The following STK25 variants were observed in gnomAD, a reference collection of about 807,000 sequenced individuals.
STK25 encodes the protein serine/threonine kinase 25.
Under a neutral mutation model 53.8 loss-of-function variants are expected in STK25, and 29 were observed. That is an observed-to-expected ratio of 0.54 (90% confidence interval 0.40 to 0.74). The LOEUF (loss-of-function observed/expected upper bound fraction) is 0.74, where lower values mean the gene tolerates loss of function less well. Among genes scored for constraint, STK25 ranks in the 30% least tolerant of loss-of-function variants. The pLI is 0.00. For synonymous variants in STK25, 247 were observed against 238.3 expected (o/e 1.04, Z -0.33); for missense variants, 420 against 568.0 (o/e 0.74, Z 2.65).
chr2:241,504,048 G>A (rs956782446), intron 2 of STK25: 5 of 471,108 alleles, frequency 1.1e-5, no homozygotes, highest in African/African-American at 1.0e-4. Flanking sequence ...CTTGAAACAT[G>A]CCGCTGCACA....
rs2065460985 is a variant in STK25 at position 241,500,799 on chromosome 2, G to A, written c.262-3C>T. The A allele has an allele frequency of 6.2e-7, 1 of 1,613,598 alleles. No homozygotes were observed. The highest frequency in any genetic ancestry group is 8.5e-7 in the Non-Finnish European group (1 of 1,179,768). On this transcript the variant is annotated splice_region_variant and splice_polypyrimidine_tract_variant and intron_variant, in intron 3 of 11. Coordinates refer to ENST00000316586, the MANE Select transcript of STK25 (RefSeq NM_001271977.2). ...ATGATGATCCATAGCTTGGTGCTCTGGGACCGGAGACAAACCCATCAGCAT... is the reference window on the plus strand; with the variant it reads ...ATGATGATCCATAGCTTGGTGCTCTAGGACCGGAGACAAACCCATCAGCAT...
At chr2:241,507,951 C>T (rs2125016214) in intron 2 of STK25, 55 bp downstream of exon 2, 1 of 1,514,446 alleles carries the variant, frequency 6.6e-7, no homozygotes, top group Non-Finnish European at 9.0e-7. Context: ...CCCCAGGAGA[C>T]TCTGGAGCCC....
At chr2:241,499,992 T>C (rs1294567128) in intron 5 of STK25, 181 bp downstream of exon 5, 1 of 695,070 alleles carries the variant, frequency 1.4e-6, no homozygotes, top group Non-Finnish European at 2.6e-6. Flanking sequence ...AAGGAAACCG[T>C]TACAAGTAGT....
Position 241,493,179 on chromosome 2 carries a change from G to C in STK25, c.*2483C>G, listed in dbSNP as rs2064993121. On this transcript the variant is annotated 3_prime_UTR_variant, in exon 12 of 12. Transcript: ENST00000316586. ...CTGTGCTGTGTGAACAGGGAAACTGGCTCCCTTGGCCCGTGGGCATTTGTA... is the reference window on the plus strand; with the variant it reads ...CTGTGCTGTGTGAACAGGGAAACTGCCTCCCTTGGCCCGTGGGCATTTGTA... The C allele has an allele frequency of 7.7e-7, 1 of 1,301,938 alleles. No individual in the cohort carries two copies. The allele number at this position is 1,301,938 out of a possible 1,614,324, so 80.6% of individuals were successfully genotyped here. A position where few individuals can be genotyped will look rare whatever the true frequency, so the allele number is the denominator to read the frequency against.
Position 241,494,065 on chromosome 2 carries a change from G to C in STK25, c.*1597C>G. 1 of 1,440,160 alleles carries C rather than the reference G, an allele frequency of 6.9e-7. No homozygotes were observed. Among genetic ancestry groups the C allele is most frequent in the Non-Finnish European group, 9.1e-7 (1 of 1,098,970 alleles). 89.2% of individuals were successfully genotyped at this position (1,440,160 alleles called of 1,614,324 possible). On this transcript the variant is annotated 3_prime_UTR_variant, in exon 12 of 12. Coordinates refer to ENST00000316586, the MANE Select transcript of STK25 (RefSeq NM_001271977.2). The surrounding 1 kb of genome is among the most constrained non-coding windows in gnomAD (Gnocchi z 4.9). ...CAGCCGGGAGGGCCCCAAGCATCGT[G>C]CAGGATGGCCCCCAACCCTCCTCAG...
chr2:241,496,589 C>T lies in STK25; in HGVS notation c.1105-55G>A, dbSNP rs778830728. ...GACCCCAGGACAGGCCTTCAGGGAG[C>T]CTGCTCCTTTGCTCGGCCACAGTGA... On this transcript the variant is annotated intron_variant, in intron 10 of 11. Transcript: ENST00000316586. This position sits in a 1 kb window ranked among gnomAD's most constrained non-coding sequence, Gnocchi z 5.8. 1.3e-6 allele frequency: 2 copies of T among 1,578,868 alleles called. No individual in the cohort carries two copies. The highest frequency in any genetic ancestry group is 1.1e-5 in the South Asian group (1 of 88,920).
In STK25 at chr2:241,498,635, C is replaced by A; in HGVS notation, c.917+4G>T. On this transcript the variant is annotated splice_donor_region_variant and intron_variant, in intron 8 of 11. Transcript: ENST00000316586. ...GTCACCATGAGGATAAACCAGGTCC[C>A]TACATGTCAGAGTCCTCAGAGCTGG... 1 of 1,612,242 alleles carries A rather than the reference C, an allele frequency of 6.2e-7. No individual in the cohort carries two copies. The highest frequency in any genetic ancestry group is 8.5e-7 in the Non-Finnish European group (1 of 1,179,006).
At position 241,493,385 on chromosome 2, in the gene STK25, G is replaced by T; in HGVS notation, c.*2277C>A. 1 of 1,613,986 alleles carries T rather than the reference G, an allele frequency of 6.2e-7. No homozygotes were observed. Among genetic ancestry groups the T allele is most frequent in the East Asian group, 2.2e-5 (1 of 44,888 alleles). ...GCATACACAAAGACTATGTTTTCAA[G>T]CTCCAGTTCAAATCCCACGTCTACT... On this transcript the variant is annotated 3_prime_UTR_variant, in exon 12 of 12. Transcript: ENST00000316586.
At chr2:241,497,454 A>C (rs758715917) in intron 10 of STK25, 162 bp downstream of exon 10, 33 of 693,220 alleles carry the variant, frequency 4.8e-5, no homozygotes, top group Non-Finnish European at 8.1e-5. Flanking sequence ...TCATTGCAGC[A>C]GATTCTGCTC....
chr2:241,508,448 C>A lies in STK25; in HGVS notation c.-106G>T. ...CCGCCCGGCAGCGCGCCCACCTCCG[C>A]GGGGCTCCATCCCGGCCTCCCCCGG... On this transcript the variant is annotated 5_prime_UTR_variant, in exon 1 of 12. Transcript: ENST00000316586. 4.6e-6 allele frequency: 5 copies of A among 1,086,892 alleles called. No homozygotes were observed. The highest frequency in any genetic ancestry group is 5.6e-6 in the Non-Finnish European group (5 of 889,480). 67.3% of individuals were successfully genotyped at this position (1,086,892 alleles called of 1,614,324 possible). A position where few individuals can be genotyped will look rare whatever the true frequency, so the allele number is the denominator to read the frequency against.
At chr2:241,506,263 G>A (rs2065821715) in intron 2 of STK25, among the ~76,000 whole-genome samples, 1 of 152,194 alleles carries the variant, frequency 6.6e-6, no homozygotes, top group Admixed American at 6.5e-5. Flanking sequence ...GCCACTATAT[G>A]AAGTCAAGTC....
intron 4 of STK25, 49 bp downstream of exon 4, chr2:241,500,691 G>A (rs1392783850): frequency 6.3e-7 from 1 of 1,590,838 alleles, no homozygotes; most frequent in Non-Finnish European, 8.6e-7. Context: ...CTGAGGGGCA[G>A]GGGACTCGGA....
chr2:241,508,298 C>G, intron 1 of STK25, 145 bp downstream of exon 1: 1 of 1,255,264 alleles, frequency 8.0e-7, no homozygotes, highest in East Asian at 3.4e-5. Context: ...GCTCGCCGCC[C>G]CTCCCGTCGC....
rs1012198713 is a variant in STK25, at chr2:241,493,356, G to A, written c.*2306C>T. The A allele has an allele frequency of 2.0e-5, 32 of 1,613,844 alleles. 1 individual carries two copies. The highest frequency in any genetic ancestry group is 1.2e-4 in the African/African-American group (9 of 74,924). On this transcript the variant is annotated 3_prime_UTR_variant, in exon 12 of 12. Transcript: ENST00000316586. ...CAGCGTGAGCATCCCCAGGGAGGCC[G>A]ATGGCATACACAAAGACTATGTTTT...
rs1574936205 is a variant in STK25 at position 241,496,755 on chromosome 2, T to G, written c.1105-221A>C. Among the ~76,000 whole-genome samples, 1 of 151,730 alleles carries G rather than the reference T, an allele frequency of 6.6e-6. No individual in the cohort carries two copies. The highest frequency in any genetic ancestry group is 6.6e-5 in the Admixed American group (1 of 15,246). Reference sequence around the variant, plus strand: ...GTGGTCCTTCCCCACAGCACCTACCTTCCCCCTACACTCCGGGGAATCTCG... The same window carrying G: ...GTGGTCCTTCCCCACAGCACCTACCGTCCCCCTACACTCCGGGGAATCTCG... On this transcript the variant is annotated intron_variant, in intron 10 of 11. Coordinates refer to ENST00000316586, the MANE Select transcript of STK25 (RefSeq NM_001271977.2). This position sits in a 1 kb window ranked among gnomAD's most constrained non-coding sequence, Gnocchi z 5.8.
chr2:241,504,218 T>C, intron 2 of STK25: 1 of 445,416 alleles, frequency 2.2e-6, no homozygotes, highest in Non-Finnish European at 4.6e-6. Flanking sequence ...GCAGGCCAGC[T>C]GCAGTGTACA....
chr2:241,500,719 C>A, intron 4 of STK25, 21 bp downstream of exon 4: 5 of 1,613,128 alleles, frequency 3.1e-6, no homozygotes, highest in Non-Finnish European at 4.2e-6. Context: ...TGACCCCCCA[C>A]TGCCATGGCC....
Position 241,495,422 on chromosome 2 carries a change from G to A in STK25, c.*240C>T. ...TGGAGCCCCCGTGAGCAATACTGCT[G>A]GGCCAGGAGAGGGAGGAGGGCAGTG... On this transcript the variant is annotated 3_prime_UTR_variant, in exon 12 of 12. Coordinates refer to ENST00000316586, the MANE Select transcript of STK25 (RefSeq NM_001271977.2). 1.8e-6 allele frequency: 1 copy of A among 546,374 alleles called. No individual in the cohort carries two copies. Among genetic ancestry groups the A allele is most frequent in the East Asian group, 3.0e-5 (1 of 33,262 alleles). The allele number at this position is 546,374 out of a possible 1,614,324, so 33.8% of individuals were successfully genotyped here. A position where few individuals can be genotyped will look rare whatever the true frequency, so the allele number is the denominator to read the frequency against.
chr2:241,505,768 A>G (rs1020866334), intron 2 of STK25, among the ~76,000 whole-genome samples: 2 of 152,172 alleles, frequency 1.3e-5, no homozygotes, highest in Non-Finnish European at 2.9e-5. Flanking sequence ...CTGGCCCTAC[A>G]ATGACATCGC....
Sources: allele counts gnomAD v4.1 joint callset (sites outside exome capture counted in the v4.1 genomes callset), GRCh38; gene constraint gnomAD v4.1.1; non-coding constraint Gnocchi (gnomAD v3.1); transcripts MANE v1.5; gene names NCBI Gene and HGNC (gene_info 2026-07-23, HGNC 2026-07-21).